The following TMEM223 variants were observed in gnomAD, a reference collection of about 807,000 sequenced individuals.
TMEM223 encodes transmembrane protein 223.
Under a neutral mutation model 14.1 loss-of-function variants are expected in TMEM223, and 14 were observed. That is an observed-to-expected ratio of 0.99 (90% CI 0.66 to 1.55). The LOEUF (loss-of-function observed/expected upper bound fraction) is 1.55, where lower values mean the gene tolerates loss of function less well. TMEM223 is among the 40% of genes most tolerant of loss of function. The pLI, the probability that TMEM223 is intolerant of heterozygous loss-of-function variation, is 0.00. For missense variants in TMEM223, 346 were observed against 269.9 expected, an observed-to-expected ratio of 1.28 and a Z score of -1.97; for synonymous variants, 145 against 120.5, an observed-to-expected ratio of 1.20 and a Z score of -1.33.
chr11:62,788,824 G>C (rs2084322818), downstream of TMEM223, among the ~76,000 whole-genome samples: 1 of 152,088 alleles, frequency 6.6e-6, no homozygotes, highest in African/African-American at 2.4e-5. Context: ...CCTATTTTCT[G>C]ATCCTTCTGG....
chr11:62,786,378 G>C, downstream of TMEM223: 1 of 1,614,048 alleles, frequency 6.2e-7, no homozygotes, highest in Non-Finnish European at 8.5e-7. Context: ...AAAGTCTATG[G>C]AGCCATTCTG....
At chr11:62,775,157 A>T (rs1345940804) in intron 1 of TMEM223, among the ~76,000 whole-genome samples, 1 of 152,100 alleles carries the variant, frequency 6.6e-6, no homozygotes, top group African/African-American at 2.4e-5. Flanking sequence ...ACTTACAGTC[A>T]TGGTGGAAGA....
downstream of TMEM223, chr11:62,788,948 C>T (rs187735263): frequency 8.7e-4 from 1,284 of 1,467,720 alleles, 2 homozygotes; most frequent in Non-Finnish European, 1.1e-3. Flanking sequence ...CCTAAGTTAT[C>T]ACTAACACCC....
Position 62,790,033 on chromosome 11 carries a change from C to T in TMEM223, c.*590G>A. 2 of 1,611,306 alleles carry T rather than the reference C, an allele frequency of 1.2e-6. No individual in the cohort carries two copies. The highest frequency in any genetic ancestry group is 2.2e-5 in the South Asian group (2 of 90,844). On this transcript the variant is annotated 3_prime_UTR_variant, in exon 2 of 2. Coordinates refer to ENST00000307366, the MANE Select transcript of TMEM223 (RefSeq NM_001080501.3). ...GACAGATGCTCTCGTTGGGTCACGC[C>T]TTTCCCATTCCTGAAGAATAAGCGG... is the stretch of plus-strand genomic sequence containing the variant.
chr11:62,778,892 A>G (rs1231711488), intron 1 of TMEM223: 1 of 1,614,142 alleles, frequency 6.2e-7, no homozygotes, highest in Admixed American at 1.7e-5. Context: ...GTCTTCACTG[A>G]CAGATGACCT....
downstream of TMEM223, among the ~76,000 whole-genome samples, chr11:62,783,407 G>A (rs1472053618): frequency 2.0e-5 from 3 of 151,912 alleles, no homozygotes; most frequent in Admixed American, 6.6e-5. Flanking sequence ...GCGTGAACCC[G>A]GGAGGCGGAG....
chr11:62,787,767 A>G (rs1363092135), downstream of TMEM223: 1 of 686,498 alleles, frequency 1.5e-6, no homozygotes, highest in Non-Finnish European at 2.6e-6. Context: ...AGCGTCTTAA[A>G]GCACTAGGTG....
intron 1 of TMEM223, among the ~76,000 whole-genome samples, chr11:62,780,179 G>T (rs1031821126): frequency 6.6e-6 from 1 of 151,356 alleles, no homozygotes; most frequent in African/African-American, 2.4e-5. Flanking sequence ...TTAACTGGCT[G>T]TTGTGGTGGG....
chr11:62,786,537 G>A (rs1015618757), downstream of TMEM223: 11 of 1,551,778 alleles, frequency 7.1e-6, no homozygotes, highest in Admixed American at 1.9e-5. Flanking sequence ...AGCGACTGCT[G>A]AAGATGAAGG....
rs1188808927 is a variant in TMEM223 at position 62,778,305 on chromosome 11, G to A, written c.315-3640C>T. 2 of 1,614,062 alleles carry A rather than the reference G, an allele frequency of 1.2e-6. No individual in the cohort carries two copies. Among genetic ancestry groups the A allele is most frequent in the Admixed American group, 3.3e-5 (2 of 59,994 alleles). ...TCTAGTTCATGTCTCCTACCTGGATGGCAAAGGGAACCTGGCACCTCAAGG... is the reference window on the plus strand; with the variant it reads ...TCTAGTTCATGTCTCCTACCTGGATAGCAAAGGGAACCTGGCACCTCAAGG... On this transcript the variant is annotated intron_variant, in intron 1 of 2. Transcript: ENST00000528367.
chr11:62,786,930 C>T (rs2134730640), downstream of TMEM223: 7 of 1,477,334 alleles, frequency 4.7e-6, no homozygotes, highest in African/African-American at 5.9e-5. Flanking sequence ...GCGACGAGAG[C>T]CCCCGGGGCA....
chr11:62,776,452 CAGAT>C (rs1162446895), intron 1 of TMEM223: 2 of 1,613,756 alleles, frequency 1.2e-6, no homozygotes, highest in South Asian at 1.1e-5. Flanking sequence ...ACAGGGCCCT[CAGAT>C]GGAGCAGCGT....
chr11:62,773,448 ATTT>A (rs112592058), intron 2 of TMEM223, among the ~76,000 whole-genome samples: 2 of 135,794 alleles, frequency 1.5e-5, no homozygotes, highest in Non-Finnish European at 1.6e-5. Flanking sequence ...CCGGCCTACA[ATTT>A]TTTTTTTTTT....
chr11:62,772,852 CTTTT>C (rs35555640), intron 2 of TMEM223, among the ~76,000 whole-genome samples: 4 of 142,514 alleles, frequency 2.8e-5, no homozygotes, highest in Non-Finnish European at 4.6e-5. Flanking sequence ...TTTAGAAGAT[CTTTT>C]TTTTTTGTTT....
chr11:62,790,464 C>T lies in TMEM223; in HGVS notation c.*159G>A. On this transcript the variant is annotated 3_prime_UTR_variant, in exon 2 of 2. Transcript: ENST00000307366. ...TTGTTTTTTTTTTTGTAAATAGAGA[C>T]AAGGTCTCGCTATGTTGCCCAGCCT... 2.0e-6 allele frequency: 1 copy of T among 512,452 alleles called. No individual in the cohort carries two copies. Among genetic ancestry groups the T allele is most frequent in the South Asian group, 2.8e-5 (1 of 35,786 alleles). The allele number at this position is 512,452 out of a possible 1,614,324, so 31.7% of individuals were successfully genotyped here.
chr11:62,777,978 G>C (rs748921322), intron 1 of TMEM223: 1 of 1,613,766 alleles, frequency 6.2e-7, no homozygotes, highest in East Asian at 2.2e-5. Context: ...TTTTCCTCAG[G>C]CTGTGTGTGG....
downstream of TMEM223, chr11:62,788,920 C>T (rs1389654462): frequency 7.8e-7 from 1 of 1,277,304 alleles, no homozygotes; most frequent in Non-Finnish European, 1.1e-6. Context: ...AAATAACTTC[C>T]TGGAATGCAG....
At chr11:62,786,247 C>G (rs573248484), downstream of TMEM223, 106 of 1,607,622 alleles carry the variant, frequency 6.6e-5, no homozygotes, top group East Asian at 2.3e-3. Context: ...TGTATTCCTT[C>G]TCTTCCTTCC....
At chr11:62,776,096 C>T (rs897374768) in intron 1 of TMEM223, among the ~76,000 whole-genome samples, 3 of 152,230 alleles carry the variant, frequency 2.0e-5, no homozygotes, top group African/African-American at 7.2e-5. Flanking sequence ...GGGCTTCCAG[C>T]AGACAAAGCG....
Sources: gnomAD v4.1 joint callset for allele counts (sites outside exome capture counted in the v4.1 genomes callset) on GRCh38, gnomAD v4.1.1 for gene constraint, MANE v1.5 for transcripts, NCBI Gene and HGNC (gene_info 2026-07-23, HGNC 2026-07-21) for gene names.